TBX21: variants seen among roughly 807,000 people sequenced by gnomAD.
The protein encoded by TBX21 is T-box transcription factor TBX21.
In TBX21, 11 loss-of-function variants were observed where a neutral mutation model predicts 52.2. That is an observed-to-expected ratio of 0.21 (90% confidence interval 0.13 to 0.35). The LOEUF (loss-of-function observed/expected upper bound fraction) is 0.35, where lower values mean the gene tolerates loss of function less well. Among genes scored for constraint, TBX21 ranks in the 10% least tolerant of loss-of-function variants. The pLI is 1.00. For missense variants in TBX21, 625 were observed against 755.1 expected, an observed-to-expected ratio of 0.83 and a Z score of 2.02; for synonymous variants, 300 against 316.1, an observed-to-expected ratio of 0.95 and a Z score of 0.54.
intron 1 of TBX21, among the ~76,000 whole-genome samples, chr17:47,735,295 C>G (rs546545894): frequency 6.6e-6 from 1 of 152,292 alleles, no homozygotes; most frequent in Admixed American, 6.5e-5. Flanking sequence ...CAACTGGCTT[C>G]AAGTTACTGA....
chr17:47,734,268 G>A lies in TBX21; in HGVS notation c.491+323G>A, dbSNP rs150788944. 3.3e-5 allele frequency among the ~76,000 whole-genome samples: 5 copies of A among 152,288 alleles called. No individual in the cohort carries two copies. The East Asian group carries it at 9.7e-4, about 29-fold the overall frequency. Reference sequence around the variant, plus strand: ...GTGCGCCCCTGCCCCACTCTCTACTGTAGAGGAGTCGCAGCGGGCAGTGAA... The same window carrying A: ...GTGCGCCCCTGCCCCACTCTCTACTATAGAGGAGTCGCAGCGGGCAGTGAA... On this transcript the variant is annotated intron_variant, in intron 1 of 5. Transcript: ENST00000177694.
Position 47,733,600 on chromosome 17 carries a change from G to T in TBX21, c.146G>T (p.Arg49Leu), listed in dbSNP as rs1227138457. The T allele has an allele frequency of 6.9e-7, 1 of 1,451,500 alleles. No homozygotes were observed. 89.9% of individuals were successfully genotyped at this position (1,451,500 alleles called of 1,614,324 possible). The change falls in exon 1 of 6, where the codon CGC becomes CTC. Residue 49 changes from arginine (R) to leucine (L), a missense_variant. Transcript: ENST00000177694. This position sits in a 1 kb window ranked among gnomAD's most constrained non-coding sequence, Gnocchi z 6.6. ...GGCGCGCAGGACGCGGACGAGCGTCGCGGGGGCGGCAGCCTGGGGTCTCCC... is the reference window on the plus strand; with the variant it reads ...GGCGCGCAGGACGCGGACGAGCGTCTCGGGGGCGGCAGCCTGGGGTCTCCC... ...EPGAQDADER[R>L]GGGSLGSPYP...
Position 47,738,937 on chromosome 17 carries a change from G to A in TBX21, c.492-3673G>A, listed in dbSNP as rs75544300. On this transcript the variant is annotated intron_variant, in intron 1 of 5. Coordinates refer to ENST00000177694, the MANE Select transcript of TBX21 (RefSeq NM_013351.2). Reference sequence around the variant, plus strand: ...TTTTTAAACATTGACCAATATGACTGAGAAGAACTATCTATCTCCTTGCTA... The same window carrying A: ...TTTTTAAACATTGACCAATATGACTAAGAAGAACTATCTATCTCCTTGCTA... Among the ~76,000 whole-genome samples, 549 of 152,284 alleles carry A rather than the reference G, an allele frequency of 3.6e-3. 26 individuals carry two copies. In the East Asian group the frequency reaches 0.084, roughly 23 times the overall value.
Position 47,733,874 on chromosome 17 carries a change from G to A in TBX21, c.420G>A (p.Ala140=), listed in dbSNP as rs773019524. The A allele has an allele frequency of 6.2e-7, 1 of 1,613,236 alleles. No homozygotes were observed. The highest frequency in any genetic ancestry group is 1.7e-5 in the Admixed American group (1 of 60,018). Residue 140 remains alanine (A), a synonymous_variant, in exon 1 of 6, where the codon GCG becomes GCA. Coordinates refer to ENST00000177694, the MANE Select transcript of TBX21 (RefSeq NM_013351.2). The surrounding 1 kb of genome is among the most constrained non-coding windows in gnomAD (Gnocchi z 6.6). ...GLEVSGKLRV[A]LNNHLLWSKF... is the part of the protein sequence containing the mutation. The stretch of plus-strand genomic sequence containing the variant: ...AGGTGTCGGGGAAACTGAGGGTCGC[G>A]CTCAACAACCACCTGTTGTGGTCCA...
At chr17:47,739,377 G>T (rs1395614626) in intron 1 of TBX21, among the ~76,000 whole-genome samples, 1 of 151,682 alleles carries the variant, frequency 6.6e-6, no homozygotes, top group African/African-American at 2.4e-5. Context: ...CCCCGCTCGG[G>T]TGACTCGGGA....
intron 3 of TBX21, 24 bp downstream of exon 3, chr17:47,743,216 AG>A (rs2032287192): frequency 6.2e-7 from 1 of 1,612,744 alleles, no homozygotes. Context: ...TTCAAAAGGT[AG>A]CCTCGCCCTG....
chr17:47,742,607 C>T lies in TBX21; in HGVS notation c.492-3C>T. ...TGCTGGGGGCTTTCTCTCTTCTCTC[C>T]AGGCGGATGTTCCCATTCCTGTCAT... On this transcript the variant is annotated splice_polypyrimidine_tract_variant and splice_region_variant and intron_variant, in intron 1 of 5. Transcript: ENST00000177694. This position sits in a 1 kb window ranked among gnomAD's most constrained non-coding sequence, Gnocchi z 4.4. 1 of 1,598,266 alleles carries T rather than the reference C, an allele frequency of 6.3e-7. No homozygotes were observed. Among genetic ancestry groups the T allele is most frequent in the Non-Finnish European group, 8.5e-7 (1 of 1,170,978 alleles).
chr17:47,733,293 G>A lies in TBX21; in HGVS notation c.-162G>A, dbSNP rs2032159995. ...GAGCTGCCGCGCGCCTGCCGGACGA[G>A]GGCGTAGAAGCCAGGCGTCAGAGCC... is the stretch of plus-strand genomic sequence containing the variant. On this transcript the variant is annotated 5_prime_UTR_variant, in exon 1 of 6. Coordinates refer to ENST00000177694, the MANE Select transcript of TBX21 (RefSeq NM_013351.2). The surrounding 1 kb of genome is among the most constrained non-coding windows in gnomAD (Gnocchi z 6.6). 2 of 1,005,424 alleles carry A rather than the reference G, an allele frequency of 2.0e-6. No individual in the cohort carries two copies. Among genetic ancestry groups the A allele is most frequent in the East Asian group, 3.3e-5 (1 of 30,098 alleles). The allele number at this position is 1,005,424 out of a possible 1,614,324, so 62.3% of individuals were successfully genotyped here.
chr17:47,744,566 C>T (rs759431215), intron 5 of TBX21, 23 bp downstream of exon 5: 2 of 1,613,992 alleles, frequency 1.2e-6, no homozygotes, highest in East Asian at 2.2e-5. Context: ...GGGTTCAACT[C>T]AGCTTTGGTC....
intron 3 of TBX21, 23 bp from the exon 4 acceptor site, chr17:47,744,172 C>A: frequency 6.2e-7 from 1 of 1,610,088 alleles, no homozygotes; most frequent in Non-Finnish European, 8.5e-7. Context: ...CCCACCCCTA[C>A]AACCGTCTTG....
At position 47,743,114 on chromosome 17, in the gene TBX21, G is replaced by A. The variant is rs967623871; in HGVS notation, c.690G>A (p.Ala230=). 4 of 1,614,056 alleles carry A rather than the reference G, an allele frequency of 2.5e-6. No individual in the cohort carries two copies. The highest frequency in any genetic ancestry group is 1.7e-5 in the Admixed American group (1 of 60,012). ...YVHPDSPNTG[A]HWMRQEVSFG... is the part of the protein sequence containing the mutation. ...ACCCGGACTCCCCCAACACAGGAGC[G>A]CACTGGATGCGCCAGGAAGTTTCAT... Residue 230 remains alanine, a synonymous_variant, in exon 3 of 6, where the codon GCG becomes GCA. Coordinates refer to ENST00000177694, the MANE Select transcript of TBX21 (RefSeq NM_013351.2).
At position 47,745,261 on chromosome 17, in the gene TBX21, C is replaced by T. The variant is rs1289687933; in HGVS notation, c.1503C>T (p.Arg501=). 2.7e-5 allele frequency: 43 copies of T among 1,614,098 alleles called. No individual in the cohort carries two copies. The highest frequency in any genetic ancestry group is 1.6e-4 in the Middle Eastern group (1 of 6,084). The change falls in exon 6 of 6, where the codon CGC becomes CGT. Residue 501 remains arginine, a synonymous_variant. Transcript: ENST00000177694. ...GLGEGDSKRR[R]VSPYPSSGDS... ...GCGAAGGAGACTCTAAGAGGAGGCG[C>T]GTGTCCCCCTATCCTTCCAGTGGTG...
Position 47,733,766 on chromosome 17 carries a change from G to T in TBX21, c.312G>T (p.Pro104=). ...CCGCGGACGCCGAGGGCTACCAGCC[G>T]GGCGAGGGCTACGCCGCCCCGGACC... The part of the protein sequence containing the change: ...PPPADAEGYQ[P]GEGYAAPDPR... The change falls in exon 1 of 6, where the codon CCG becomes CCT. Residue 104 remains proline (P), a synonymous_variant. Transcript: ENST00000177694. The surrounding 1 kb of genome is among the most constrained non-coding windows in gnomAD (Gnocchi z 6.6). 1 of 1,491,650 alleles carries T rather than the reference G, an allele frequency of 6.7e-7. No individual in the cohort carries two copies. Among genetic ancestry groups the T allele is most frequent in the Non-Finnish European group, 8.9e-7 (1 of 1,124,408 alleles). The allele number at this position is 1,491,650 out of a possible 1,614,324, so 92.4% of individuals were successfully genotyped here.
intron 1 of TBX21, among the ~76,000 whole-genome samples, chr17:47,737,928 C>A (rs2032224053): frequency 6.6e-6 from 1 of 151,922 alleles, no homozygotes; most frequent in African/African-American, 2.4e-5. Flanking sequence ...CCTGGCCCAA[C>A]TTTTCAGATC....
At chr17:47,735,555 G>C (rs2032198826) in intron 1 of TBX21, among the ~76,000 whole-genome samples, 1 of 152,116 alleles carries the variant, frequency 6.6e-6, no homozygotes, top group Non-Finnish European at 1.5e-5. Context: ...CTCTTCCAAG[G>C]TCACACAACA....
intron 5 of TBX21, 21 bp downstream of exon 5, chr17:47,744,564 C>A (rs547050013): frequency 6.2e-7 from 1 of 1,614,112 alleles, no homozygotes; most frequent in East Asian, 2.2e-5. Context: ...CTGGGTTCAA[C>A]TCAGCTTTGG....
Position 47,733,426 on chromosome 17 carries a change from G to T in TBX21, c.-29G>T. The T allele has an allele frequency of 1.4e-6, 2 of 1,463,496 alleles. No individual in the cohort carries two copies. The highest frequency in any genetic ancestry group is 1.3e-5 in the South Asian group (1 of 76,298). 90.7% of individuals were successfully genotyped at this position (1,463,496 alleles called of 1,614,324 possible). A position where few individuals can be genotyped will look rare whatever the true frequency, so the allele number is the denominator to read the frequency against. ...GCGCGCGGAGGGGCGGGTCCTCGAC[G>T]GCTACGGGAAGGTGCCAGCCCGCCC... On this transcript the variant is annotated 5_prime_UTR_variant, in exon 1 of 6. Coordinates refer to ENST00000177694, the MANE Select transcript of TBX21 (RefSeq NM_013351.2). This position sits in a 1 kb window ranked among gnomAD's most constrained non-coding sequence, Gnocchi z 6.6.
At position 47,733,348 on chromosome 17, in the gene TBX21, C is replaced by A; in HGVS notation, c.-107C>A. On this transcript the variant is annotated 5_prime_UTR_variant, in exon 1 of 6. Transcript: ENST00000177694. This position sits in a 1 kb window ranked among gnomAD's most constrained non-coding sequence, Gnocchi z 6.6. Reference sequence around the variant, plus strand: ...CTCCGGTGGGGTCCCCCACCCGGCCCTCGGGTCCCCCGCCCCCTGCTCCCT... The same window carrying A: ...CTCCGGTGGGGTCCCCCACCCGGCCATCGGGTCCCCCGCCCCCTGCTCCCT... 1 of 1,332,106 alleles carries A rather than the reference C, an allele frequency of 7.5e-7. No homozygotes were observed. The highest frequency in any genetic ancestry group is 9.6e-7 in the Non-Finnish European group (1 of 1,042,422). The allele number at this position is 1,332,106 out of a possible 1,614,324, so 82.5% of individuals were successfully genotyped here.
rs558732875 is a variant in TBX21 at position 47,742,183 on chromosome 17, C to A, written c.492-427C>A. ...CTCCTGGGTTCAAGCCATTCTCCTG[C>A]CTCAGCCTCCTGAGTAGCTAGGATT... is the stretch of plus-strand genomic sequence containing the variant. On this transcript the variant is annotated intron_variant, in intron 1 of 5. Transcript: ENST00000177694. The surrounding 1 kb of genome is among the most constrained non-coding windows in gnomAD (Gnocchi z 4.4). Among the ~76,000 whole-genome samples the A allele has an allele frequency of 6.6e-6, 1 of 152,012 alleles. No homozygotes were observed. Among genetic ancestry groups the A allele is most frequent in the East Asian group, 1.9e-4 (1 of 5,162 alleles).
Sources: allele counts gnomAD v4.1 joint callset (sites outside exome capture counted in the v4.1 genomes callset), GRCh38; gene constraint gnomAD v4.1.1; non-coding constraint Gnocchi (gnomAD v3.1); transcripts MANE v1.5; gene names NCBI Gene and HGNC (gene_info 2026-07-23, HGNC 2026-07-21).